The following LNX1 variants were observed in gnomAD, a reference collection of about 807,000 sequenced individuals.
The protein encoded by LNX1 is E3 ubiquitin-protein ligase LNX.
A neutral mutation model predicts 68.4 loss-of-function variants in LNX1; 54 were observed. The observed-to-expected ratio is 0.79, with a 90% CI of 0.63 to 0.99. The LOEUF (loss-of-function observed/expected upper bound fraction) is 0.99, where lower values mean the gene tolerates loss of function less well. Among genes scored for constraint, LNX1 ranks in the 50% least tolerant of loss-of-function variants. LNX1 has a pLI of 0.00. For synonymous variants in LNX1, 336 were observed against 350.0 expected (o/e 0.96, Z 0.45); for missense variants, 906 against 926.4 (o/e 0.98, Z 0.29).
intron 2 of LNX1, among the ~76,000 whole-genome samples, chr4:53,598,321 C>T (rs1387274960): frequency 7.9e-5 from 12 of 151,912 alleles, no homozygotes; most frequent in South Asian, 2.1e-4. Flanking sequence ...TAGCCTTGAC[C>T]TCCTTATGAT....
intron 1 of LNX1, among the ~76,000 whole-genome samples, chr4:53,646,878 C>T (rs1440796697): frequency 6.6e-6 from 1 of 152,124 alleles, no homozygotes; most frequent in Non-Finnish European, 1.5e-5. Context: ...ATTATTGTTC[C>T]AATTTAACAT....
At chr4:53,616,460 C>A (rs1246346815) in intron 2 of LNX1, 1 of 152,160 alleles carries the variant, frequency 6.6e-6, no homozygotes, top group Non-Finnish European at 1.5e-5. Flanking sequence ...GCTTTTATCT[C>A]ATTTTCTTAG....
At chr4:53,568,606 C>CAGGGGGGCACAAGAG (rs1256888767) in intron 2 of LNX1, among the ~76,000 whole-genome samples, 11 of 151,566 alleles carry the variant, frequency 7.3e-5, no homozygotes, top group Non-Finnish European at 1.6e-4. Context: ...GGGCACAAGA[C>CAGGGGGGCACAAGAG]AGGGATGCCC....
chr4:53,600,964 G>T (rs1379040658), intron 2 of LNX1, among the ~76,000 whole-genome samples: 1 of 149,600 alleles, frequency 6.7e-6, no homozygotes, highest in Non-Finnish European at 1.5e-5. Flanking sequence ...TGTAATCCCA[G>T]CTACTCAGGA....
At chr4:53,638,340 A>G (rs1394007370) in intron 1 of LNX1, among the ~76,000 whole-genome samples, 3 of 152,192 alleles carry the variant, frequency 2.0e-5, no homozygotes, top group Non-Finnish European at 4.4e-5. Flanking sequence ...AGGTATAGTC[A>G]ATTGGTCAAC....
intron 9 of LNX1, among the ~76,000 whole-genome samples, chr4:53,472,070 A>G (rs1723229532): frequency 6.6e-6 from 1 of 152,254 alleles, no homozygotes; most frequent in Non-Finnish European, 1.5e-5. Context: ...CACAATAACA[A>G]AGACTTGGAA....
chr4:53,593,332 T>C (rs1577773349), upstream of LNX1, among the ~76,000 whole-genome samples: 3 of 152,260 alleles, frequency 2.0e-5, no homozygotes, highest in Non-Finnish European at 4.4e-5. Context: ...AGGATCCAAC[T>C]TGGGAGGGGA....
At chr4:53,478,784 C>G (rs1198270123) in intron 7 of LNX1, 42 bp from the exon 8 acceptor site, 3 of 1,563,882 alleles carry the variant, frequency 1.9e-6, no homozygotes, top group Non-Finnish European at 2.6e-6. Flanking sequence ...GAATTCACAA[C>G]TCTGGTAGTT....
intron 2 of LNX1, among the ~76,000 whole-genome samples, chr4:53,570,146 C>T (rs1731042645): frequency 7.1e-6 from 1 of 140,762 alleles, no homozygotes; most frequent in Non-Finnish European, 1.5e-5. Context: ...CCATTTGACC[C>T]AGCCATCCCA....
chr4:53,576,533 A>G, intron 1 of LNX1: 1 of 1,008,084 alleles, frequency 9.9e-7, no homozygotes, highest in Non-Finnish European at 1.3e-6. Context: ...CTTGTATTTT[A>G]GGTTGGGCAT....
chr4:53,592,043 T>C (rs1348596571), upstream of LNX1, among the ~76,000 whole-genome samples: 1 of 152,210 alleles, frequency 6.6e-6, no homozygotes, highest in Non-Finnish European at 1.5e-5. Context: ...ATAGGATACC[T>C]GTCAGCAGTT....
At chr4:53,493,609 A>G (rs1724851470) in intron 6 of LNX1, among the ~76,000 whole-genome samples, 1 of 152,242 alleles carries the variant, frequency 6.6e-6, no homozygotes, top group Non-Finnish European at 1.5e-5. Flanking sequence ...TCACATAACC[A>G]GATCTCAGGT....
intron 1 of LNX1, chr4:53,575,773 C>T (rs559343587): frequency 2.7e-5 from 42 of 1,566,230 alleles, no homozygotes; most frequent in East Asian, 1.3e-4. Flanking sequence ...TCACAGTGGC[C>T]GAGTGAGTTT....
intron 2 of LNX1, among the ~76,000 whole-genome samples, chr4:53,611,393 C>T (rs1233944470): frequency 1.3e-5 from 2 of 152,078 alleles, no homozygotes; most frequent in Non-Finnish European, 2.9e-5. Context: ...ATATTAAATT[C>T]TACAAATTGA....
intron 2 of LNX1, among the ~76,000 whole-genome samples, chr4:53,573,137 G>A (rs139163037): frequency 4.6e-4 from 70 of 152,182 alleles, no homozygotes; most frequent in African/African-American, 1.6e-3. Flanking sequence ...TGAGCTGGTC[G>A]CAAAAGGACA....
chr4:53,526,152 A>G (rs1727597084), intron 2 of LNX1, among the ~76,000 whole-genome samples: 2 of 152,168 alleles, frequency 1.3e-5, no homozygotes, highest in Non-Finnish European at 2.9e-5. Flanking sequence ...GTTCAGCAGG[A>G]AACCTCTTCC....
intron 2 of LNX1, among the ~76,000 whole-genome samples, chr4:53,613,387 G>A (rs1464473461): frequency 1.3e-5 from 2 of 151,972 alleles, no homozygotes; most frequent in African/African-American, 2.4e-5. Context: ...TACCTGTGCA[G>A]GATGTGCAGT....
intron 3 of LNX1, among the ~76,000 whole-genome samples, chr4:53,507,738 T>C (rs1330081312): frequency 1.3e-5 from 2 of 152,180 alleles, no homozygotes; most frequent in Non-Finnish European, 2.9e-5. Context: ...TTACTGACAC[T>C]GCAGGAGTGA....
rs1560634681 is a variant in LNX1 at position 53,507,988 on chromosome 4, C to T, written c.620G>A (p.Arg207Lys). ...PVDSGRSNRT[R>K]ARPFERSTIR... Reference sequence around the variant, plus strand: ...GGACAACCACCCATTTGACTCACCCCTAGTTCGGTTGCTCCGGCCAGAGTC... The same window carrying T: ...GGACAACCACCCATTTGACTCACCCTTAGTTCGGTTGCTCCGGCCAGAGTC... The change falls in exon 3 of 11, where the codon AGG becomes AAG. Residue 207 changes from arginine to lysine, a missense_variant and splice_region_variant. Physicochemically the swap from Arg to Lys is conservative, Grantham distance 26. Transcript: ENST00000263925. 2 of 1,613,376 alleles carry T rather than the reference C, an allele frequency of 1.2e-6. No individual in the cohort carries two copies. Among genetic ancestry groups the T allele is most frequent in the Admixed American group, 1.7e-5 (1 of 60,000 alleles).
Sources: gnomAD v4.1 joint callset for allele counts (sites outside exome capture counted in the v4.1 genomes callset) on GRCh38, gnomAD v4.1.1 for gene constraint, MANE v1.5 for transcripts, NCBI Gene and HGNC (gene_info 2026-07-23, HGNC 2026-07-21) for gene names.